ATP1A1: variants seen among roughly 807,000 people sequenced by gnomAD.
ATP1A1 encodes sodium/potassium-transporting ATPase subunit alpha-1.
ATP1A1 carries 14 observed loss-of-function variants against 114.8 expected under a neutral mutation model. The ratio of observed to expected loss-of-function variants is 0.12; its 90% CI spans 0.08 to 0.19. ATP1A1 has a LOEUF of 0.19. Ranked by LOEUF, ATP1A1 falls within the 10% of genes least tolerant of loss-of-function variation. ATP1A1 has a pLI of 1.00. For missense variants in ATP1A1, 524 were observed against 1,290.7 expected, an observed-to-expected ratio of 0.41 and a Z score of 9.10; for synonymous variants, 471 against 466.3, an observed-to-expected ratio of 1.01 and a Z score of -0.13.
At position 116,398,874 on chromosome 1, in the gene ATP1A1, C is replaced by T; in HGVS notation, c.2294-56C>T. 1 of 1,611,140 alleles carries T rather than the reference C, an allele frequency of 6.2e-7. No individual in the cohort carries two copies. The highest frequency in any genetic ancestry group is 8.5e-7 in the Non-Finnish European group (1 of 1,177,748). On this transcript the variant is annotated intron_variant, in intron 16 of 22. Coordinates refer to ENST00000295598, the MANE Select transcript of ATP1A1 (RefSeq NM_000701.8). This position sits in a 1 kb window ranked among gnomAD's most constrained non-coding sequence, Gnocchi z 6.1. ...TTTCTGTATACTTCTTGGATATGTT[C>T]AGTTTCCAGTGTGCTTGTCTCATAA...
At chr1:116,392,618 C>G (rs969884639) in intron 10 of ATP1A1, 1 of 423,812 alleles carries the variant, frequency 2.4e-6, no homozygotes, top group African/African-American at 2.0e-5. Context: ...CCTTCTTTCA[C>G]TAGAAGCTGC....
rs750315767 is a variant in ATP1A1 at position 116,395,049 on chromosome 1, T to C, written c.1661-61T>C. On this transcript the variant is annotated intron_variant, in intron 12 of 22. Transcript: ENST00000295598. This position sits in a 1 kb window ranked among gnomAD's most constrained non-coding sequence, Gnocchi z 6.4. The stretch of plus-strand genomic sequence containing the variant: ...AAGGTAGGCGGGCTGAATAGGCTGC[T>C]GTTGTCCTTCTTACTGCCCAGCGTC... 7.4e-5 allele frequency: 114 copies of C among 1,546,262 alleles called. No individual in the cohort carries two copies. Among genetic ancestry groups the C allele is most frequent in the Middle Eastern group, 5.1e-4 (3 of 5,840 alleles).
At position 116,384,788 on chromosome 1, in the gene ATP1A1, T is replaced by C. The variant is rs1354383018; in HGVS notation, c.129T>C (p.Asp43=). The C allele has an allele frequency of 6.2e-7, 1 of 1,612,816 alleles. No individual in the cohort carries two copies. The highest frequency in any genetic ancestry group is 1.1e-5 in the South Asian group (1 of 90,690). The part of the protein sequence containing the change: ...DELKKEVSMD[D]HKLSLDELHR... Reference sequence around the variant, plus strand: ...TTGTTTCTGTTTTCCCTTAGGATGATCATAAACTTAGCCTTGATGAACTTC... The same window carrying C: ...TTGTTTCTGTTTTCCCTTAGGATGACCATAAACTTAGCCTTGATGAACTTC... The change falls in exon 3 of 23, where the codon GAT becomes GAC. Residue 43 remains aspartate, a synonymous_variant. Coordinates refer to ENST00000295598, the MANE Select transcript of ATP1A1 (RefSeq NM_000701.8). This position sits in a 1 kb window ranked among gnomAD's most constrained non-coding sequence, Gnocchi z 5.1.
rs1316905010 is a variant in ATP1A1, at chr1:116,401,405, A to G, written c.2849+145A>G. On this transcript the variant is annotated intron_variant, in intron 20 of 22. Transcript: ENST00000295598. This position sits in a 1 kb window ranked among gnomAD's most constrained non-coding sequence, Gnocchi z 4.7. ...ATAGAGCAAATTTAGGAAGCAAGAA[A>G]TGTAGCTTTCTAGTTTTTTCATCTG... 2.0e-6 allele frequency: 3 copies of G among 1,479,644 alleles called. No homozygotes were observed. The highest frequency in any genetic ancestry group is 1.4e-5 in the African/African-American group (1 of 71,018). 91.7% of individuals were successfully genotyped at this position (1,479,644 alleles called of 1,614,324 possible).
chr1:116,399,129 C>T lies in ATP1A1; in HGVS notation c.2448+45C>T. The T allele has an allele frequency of 6.2e-7, 1 of 1,610,282 alleles. No individual in the cohort carries two copies. The highest frequency in any genetic ancestry group is 1.1e-5 in the South Asian group (1 of 90,926). Reference sequence around the variant, plus strand: ...CAGATCGATAGTAGTGAGGTGTGAGCTGTGTCTTCATTCACTGGCACTATG... The same window carrying T: ...CAGATCGATAGTAGTGAGGTGTGAGTTGTGTCTTCATTCACTGGCACTATG... On this transcript the variant is annotated intron_variant, in intron 17 of 22. Transcript: ENST00000295598. The surrounding 1 kb of genome is among the most constrained non-coding windows in gnomAD (Gnocchi z 5.0).
rs570237176 is a variant in ATP1A1 at position 116,394,062 on chromosome 1, A to T, written c.1660+339A>T. The stretch of plus-strand genomic sequence containing the variant: ...TCTTATCTAACCTTTGTTGCTGTGG[A>T]CATGACTTATAAGCCTAATTAAAGT... On this transcript the variant is annotated intron_variant, in intron 12 of 22. Coordinates refer to ENST00000295598, the MANE Select transcript of ATP1A1 (RefSeq NM_000701.8). 2.4e-4 allele frequency among the ~76,000 whole-genome samples: 36 copies of T among 152,216 alleles called. No homozygotes were observed. The East Asian group carries it at 5.8e-3, about 24-fold the overall frequency.
chr1:116,379,810 G>A (rs1651624654), intron 1 of ATP1A1, among the ~76,000 whole-genome samples: 1 of 152,164 alleles, frequency 6.6e-6, no homozygotes, highest in South Asian at 2.1e-4. Context: ...AAATGAGAAA[G>A]CACCCCTCCC....
chr1:116,378,232 G>A (rs1467036733), intron 1 of ATP1A1, among the ~76,000 whole-genome samples: 2 of 152,142 alleles, frequency 1.3e-5, no homozygotes, highest in Non-Finnish European at 1.5e-5. Context: ...CTGAGCAAAG[G>A]GATTTTTGAT....
rs570856434 is a variant in ATP1A1 at position 116,401,322 on chromosome 1, C to T, written c.2849+62C>T. The T allele has an allele frequency of 3.1e-6, 5 of 1,605,416 alleles. No homozygotes were observed. The highest frequency in any genetic ancestry group is 1.1e-5 in the South Asian group (1 of 90,780). ...AGAAGGGGACTGGTGATTTGTAAAC[C>T]CTTTGCCAAAAACTAAACATATGAC... is the stretch of plus-strand genomic sequence containing the variant. On this transcript the variant is annotated intron_variant, in intron 20 of 22. Transcript: ENST00000295598. The surrounding 1 kb of genome is among the most constrained non-coding windows in gnomAD (Gnocchi z 4.7).
At chr1:116,373,700 G>A (rs563376999) in intron 1 of ATP1A1, among the ~76,000 whole-genome samples, 177 bp downstream of exon 1, 2 of 146,120 alleles carry the variant, frequency 1.4e-5, no homozygotes, top group South Asian at 4.5e-4. Flanking sequence ...TGGAGGGAGC[G>A]CAGTAACGGG....
chr1:116,396,803 G>C, intron 14 of ATP1A1, 69 bp downstream of exon 14: 1 of 1,484,590 alleles, frequency 6.7e-7, no homozygotes, highest in Non-Finnish European at 9.0e-7. Flanking sequence ...AATCTTCAGC[G>C]TGGTTCTATA....
intron 1 of ATP1A1, among the ~76,000 whole-genome samples, chr1:116,378,307 C>G (rs979029818): frequency 1.3e-5 from 2 of 152,208 alleles, no homozygotes; most frequent in Non-Finnish European, 2.9e-5. Context: ...GGTTTTAGAC[C>G]TCACTTACTA....
rs1570987427 is a variant in ATP1A1, at chr1:116,404,441, T to C, written c.3069T>C (p.Tyr1023=). 6.2e-7 allele frequency: 1 copy of C among 1,612,684 alleles called. No homozygotes were observed. Among genetic ancestry groups the C allele is most frequent in the South Asian group, 1.1e-5 (1 of 90,874 alleles). Residue 1023 remains tyrosine (Y), a synonymous_variant, in exon 23 of 23, where the codon TAT becomes TAC. Coordinates refer to ENST00000295598, the MANE Select transcript of ATP1A1 (RefSeq NM_000701.8). The surrounding 1 kb of genome is among the most constrained non-coding windows in gnomAD (Gnocchi z 4.8). ...GCTGGGTGGAGAAGGAAACCTACTA[T>C]TAGCCCCCCGTCCTGCACGCCGTGG... ...PGGWVEKETY[Y]
At position 116,390,270 on chromosome 1, in the gene ATP1A1, T is replaced by C; in HGVS notation, c.1081T>C (p.Leu361=). 1 of 1,614,178 alleles carries C rather than the reference T, an allele frequency of 6.2e-7. No homozygotes were observed. The highest frequency in any genetic ancestry group is 8.5e-7 in the Non-Finnish European group (1 of 1,180,018). ...MARKNCLVKN[L]EAVETLGSTS... ...AAGGAAAAACTGCTTAGTGAAGAAC[T>C]TAGAAGCTGTGGAGACCTTGGGGTC... is the stretch of plus-strand genomic sequence containing the variant. Residue 361 remains leucine, a synonymous_variant, in exon 9 of 23, where the codon TTA becomes CTA. Transcript: ENST00000295598.
intron 12 of ATP1A1, among the ~76,000 whole-genome samples, chr1:116,394,078 T>C (rs1652701847): frequency 6.6e-6 from 1 of 152,222 alleles, no homozygotes; most frequent in Non-Finnish European, 1.5e-5. Flanking sequence ...CTTATAAGCC[T>C]AATTAAAGTT....
In ATP1A1 at chr1:116,398,832, C is replaced by T. The variant is rs1570974932; in HGVS notation, c.2293+43C>T. The T allele has an allele frequency of 4.3e-6, 7 of 1,610,224 alleles. No individual in the cohort carries two copies. The highest frequency in any genetic ancestry group is 4.5e-5 in the East Asian group (2 of 44,816). ...TGTACACCAAGATCTTATTCAGATACTGCCCATTAGCATCCATTTCTGTAT... is the reference window on the plus strand; with the variant it reads ...TGTACACCAAGATCTTATTCAGATATTGCCCATTAGCATCCATTTCTGTAT... On this transcript the variant is annotated intron_variant, in intron 16 of 22. Coordinates refer to ENST00000295598, the MANE Select transcript of ATP1A1 (RefSeq NM_000701.8). The surrounding 1 kb of genome is among the most constrained non-coding windows in gnomAD (Gnocchi z 6.1).
rs1652295195 is a variant in ATP1A1, at chr1:116,389,348, T to C, written c.755-91T>C. ...AGTGCTTTTATCAACTCTTTTTGTT[T>C]TTTTAGTCATCCTATGTAATTGTGT... On this transcript the variant is annotated intron_variant, in intron 7 of 22. Transcript: ENST00000295598. This position sits in a 1 kb window ranked among gnomAD's most constrained non-coding sequence, Gnocchi z 6.9. 3 of 1,519,136 alleles carry C rather than the reference T, an allele frequency of 2.0e-6. No homozygotes were observed. The highest frequency in any genetic ancestry group is 2.3e-5 in the East Asian group (1 of 44,208). 94.1% of individuals were successfully genotyped at this position (1,519,136 alleles called of 1,614,324 possible). A position where few individuals can be genotyped will look rare whatever the true frequency, so the allele number is the denominator to read the frequency against.
At chr1:116,374,232 G>T (rs1356539015) in intron 1 of ATP1A1, 1 of 1,551,678 alleles carries the variant, frequency 6.4e-7, no homozygotes, top group Non-Finnish European at 8.7e-7. Context: ...GCCCTAAGAT[G>T]GCCTTTAAGG....
rs1651728365 is a variant in ATP1A1, at chr1:116,381,332, C to T, written c.13-2682C>T. ...CACTCCCTGACTCTGAATTTTGCAG[C>T]TTTGAGACTGAGGTAATTGAGACTG... On this transcript the variant is annotated intron_variant, in intron 1 of 22. Transcript: ENST00000295598. This position sits in a 1 kb window ranked among gnomAD's most constrained non-coding sequence, Gnocchi z 5.1. Among the ~76,000 whole-genome samples, 2 of 152,290 alleles carry T rather than the reference C, an allele frequency of 1.3e-5. No individual in the cohort carries two copies. Among genetic ancestry groups the T allele is most frequent in the South Asian group, 4.1e-4 (2 of 4,826 alleles).
Sources: allele counts gnomAD v4.1 joint callset (sites outside exome capture counted in the v4.1 genomes callset), GRCh38; gene constraint gnomAD v4.1.1; non-coding constraint Gnocchi (gnomAD v3.1); transcripts MANE v1.5; gene names NCBI Gene and HGNC (gene_info 2026-07-23, HGNC 2026-07-21).